Variants in SLC45A4 observed in about 807,000 individuals in gnomAD.
SLC45A4 encodes the protein solute carrier family 45 member 4.
SLC45A4 carries 32 observed loss-of-function variants against 63.7 expected under a neutral mutation model. The ratio of observed to expected loss-of-function variants is 0.50; its 90% CI spans 0.38 to 0.67. SLC45A4 has a LOEUF of 0.67. Ranked by LOEUF, SLC45A4 falls within the 30% of genes least tolerant of loss-of-function variation. SLC45A4 has a pLI of 0.00. For missense variants in SLC45A4, 1,027 were observed against 1,157.7 expected, an observed-to-expected ratio of 0.89 and a Z score of 1.64; for synonymous variants, 535 against 510.0, an observed-to-expected ratio of 1.05 and a Z score of -0.66.
intron 1 of SLC45A4, among the ~76,000 whole-genome samples, chr8:141,261,472 C>A (rs968068345): frequency 1.3e-5 from 2 of 152,058 alleles, no homozygotes; most frequent in African/African-American, 4.8e-5. Context: ...ATCTAGAAAA[C>A]CCCATCGTCT....
At position 141,211,389 on chromosome 8, in the gene SLC45A4, A is replaced by T. The variant is rs1825797380; in HGVS notation, c.*183T>A. 1.3e-6 allele frequency: 2 copies of T among 1,514,116 alleles called. No homozygotes were observed. The highest frequency in any genetic ancestry group is 1.8e-6 in the Non-Finnish European group (2 of 1,133,246). 93.8% of individuals were successfully genotyped at this position (1,514,116 alleles called of 1,614,324 possible). A position where few individuals can be genotyped will look rare whatever the true frequency, so the allele number is the denominator to read the frequency against. ...CGTCTGGAGCTCACGCTCCGCCCCC[A>T]GGTGGTGCCCAGCCCATCCCTGGGC... On this transcript the variant is annotated 3_prime_UTR_variant, in exon 9 of 9. Coordinates refer to ENST00000517878, the MANE Select transcript of SLC45A4 (RefSeq NM_001286646.2).
chr8:141,285,445 T>G (rs530615387), intron 1 of SLC45A4, among the ~76,000 whole-genome samples: 1 of 152,292 alleles, frequency 6.6e-6, no homozygotes, highest in East Asian at 1.9e-4. Flanking sequence ...GTGACCGGCC[T>G]TGCACTTGGC....
intron 1 of SLC45A4, among the ~76,000 whole-genome samples, chr8:141,285,706 G>T (rs1168929173): frequency 6.6e-6 from 1 of 152,218 alleles, no homozygotes; most frequent in East Asian, 1.9e-4. Flanking sequence ...TGAGAGGCAG[G>T]AGCACAACCC....
intron 2 of SLC45A4, among the ~76,000 whole-genome samples, chr8:141,237,343 C>T (rs1391112436): frequency 6.6e-6 from 1 of 152,098 alleles, no homozygotes; most frequent in African/African-American, 2.4e-5. Flanking sequence ...GACTAGTCAC[C>T]ACTTCCATAA....
intron 1 of SLC45A4, among the ~76,000 whole-genome samples, chr8:141,303,729 A>G (rs2154615507): frequency 6.6e-6 from 1 of 152,318 alleles, no homozygotes; most frequent in Middle Eastern, 3.4e-3. Flanking sequence ...GGACTTTTCA[A>G]TGCAGCAAAT....
intron 1 of SLC45A4, among the ~76,000 whole-genome samples, chr8:141,299,068 G>C (rs1285617754): frequency 6.6e-6 from 1 of 152,186 alleles, no homozygotes; most frequent in Non-Finnish European, 1.5e-5. Context: ...CTGTCTAGCA[G>C]CGTGAGTGCT....
chr8:141,245,795 T>C (rs115046977), intron 2 of SLC45A4, among the ~76,000 whole-genome samples: 1,646 of 152,282 alleles, frequency 0.011, 31 homozygotes, highest in African/African-American at 0.037. Flanking sequence ...TCGCAGGCAG[T>C]GTCACCACTA....
intron 1 of SLC45A4, among the ~76,000 whole-genome samples, chr8:141,277,874 C>T (rs969883428): frequency 4.6e-5 from 7 of 152,070 alleles, no homozygotes; most frequent in African/African-American, 1.7e-4. Flanking sequence ...GATCTCCTGA[C>T]CTCGTGATCC....
chr8:141,223,761 C>A (rs1826803860), intron 2 of SLC45A4, among the ~76,000 whole-genome samples: 1 of 152,230 alleles, frequency 6.6e-6, no homozygotes, highest in Non-Finnish European at 1.5e-5. Context: ...ATTGAAGCCA[C>A]CTCGGCCACC....
chr8:141,213,921 T>C (rs1266959417), intron 7 of SLC45A4, among the ~76,000 whole-genome samples: 1 of 152,132 alleles, frequency 6.6e-6, no homozygotes, highest in African/African-American at 2.4e-5. Context: ...AGCATCATAC[T>C]CTGGGCTGGG....
At chr8:141,262,467 A>C (rs1312259326) in intron 1 of SLC45A4, among the ~76,000 whole-genome samples, 84 of 151,678 alleles carry the variant, frequency 5.5e-4, no homozygotes, top group African/African-American at 2.0e-3. Flanking sequence ...CAACCTACTC[A>C]TCTGACAAAG....
At chr8:141,224,301 T>TAAA in intron 2 of SLC45A4, 2 of 152,366 alleles carry the variant, frequency 1.3e-5, no homozygotes, top group Middle Eastern at 6.8e-3. Context: ...TTCAGCAGTT[T>TAAA]GACAATGACA....
At chr8:141,221,879 A>G (rs541150495) in intron 2 of SLC45A4, 114 bp from the exon 3 acceptor site, 23 of 1,100,714 alleles carry the variant, frequency 2.1e-5, no homozygotes, top group Admixed American at 1.5e-4. Context: ...GCATGCGCAC[A>G]TCCCCTGCTC....
At chr8:141,237,281 TC>T (rs904330495) in intron 2 of SLC45A4, among the ~76,000 whole-genome samples, 1 of 152,126 alleles carries the variant, frequency 6.6e-6, no homozygotes, top group African/African-American at 2.4e-5. Flanking sequence ...ATGTCGTCCT[TC>T]CCTGCCTGAA....
chr8:141,211,339 ACACT>A lies in SLC45A4; in HGVS notation c.*229_*232del. The A allele has an allele frequency of 7.5e-7, 1 of 1,336,278 alleles. No homozygotes were observed. The highest frequency in any genetic ancestry group is 1.0e-6 in the Non-Finnish European group (1 of 993,910). The allele number at this position is 1,336,278 out of a possible 1,614,324, so 82.8% of individuals were successfully genotyped here. The stretch of plus-strand genomic sequence containing the variant: ...CGGGGTCACATGGCTGGGCGCAGAC[ACACT>A]CACACGCGCACGCAGGAGCTCGTCT... On this transcript the variant is annotated 3_prime_UTR_variant, in exon 9 of 9. Coordinates refer to ENST00000517878, the MANE Select transcript of SLC45A4 (RefSeq NM_001286646.2).
chr8:141,304,545 T>A (rs1421190095), intron 1 of SLC45A4, among the ~76,000 whole-genome samples: 1 of 109,526 alleles, frequency 9.1e-6, no homozygotes. Flanking sequence ...GGTGACAGAG[T>A]AAGACTGTCT....
At chr8:141,257,293 G>A (rs1044863807) in intron 1 of SLC45A4, among the ~76,000 whole-genome samples, 2 of 152,180 alleles carry the variant, frequency 1.3e-5, no homozygotes, top group Non-Finnish European at 2.9e-5. Flanking sequence ...GATTTTCCCT[G>A]TTTTCAGTCT....
In SLC45A4 at chr8:141,211,510, G is replaced by C. The variant is rs146125696; in HGVS notation, c.*62C>G. On this transcript the variant is annotated 3_prime_UTR_variant, in exon 9 of 9. Coordinates refer to ENST00000517878, the MANE Select transcript of SLC45A4 (RefSeq NM_001286646.2). ...CTTTGGTGTGCGGTCGCTGCCCAAGGACAGGGCTGCCCTGGGCACAATGTG... is the reference window on the plus strand; with the variant it reads ...CTTTGGTGTGCGGTCGCTGCCCAAGCACAGGGCTGCCCTGGGCACAATGTG... The C allele has an allele frequency of 1.1e-4, 176 of 1,611,296 alleles. No individual in the cohort carries two copies. Among genetic ancestry groups the C allele is most frequent in the Non-Finnish European group, 1.3e-4 (159 of 1,179,144 alleles).
intron 1 of SLC45A4, among the ~76,000 whole-genome samples, chr8:141,305,979 G>A (rs950438261): frequency 6.6e-6 from 1 of 152,246 alleles, no homozygotes; most frequent in Admixed American, 6.5e-5. Flanking sequence ...CTCACGGAAA[G>A]GAGGCAGAAT....
Sources: allele counts gnomAD v4.1 joint callset (sites outside exome capture counted in the v4.1 genomes callset), GRCh38; gene constraint gnomAD v4.1.1; transcripts MANE v1.5; gene names NCBI Gene and HGNC (gene_info 2026-07-23, HGNC 2026-07-21).